Variants in DPP10 observed in about 807,000 individuals in gnomAD.
DPP10 encodes dipeptidyl peptidase like 10.
A neutral mutation model predicts 120.9 loss-of-function variants in DPP10; 33 were observed. The observed-to-expected ratio is 0.27, with a 90% CI of 0.21 to 0.37. The LOEUF (loss-of-function observed/expected upper bound fraction) is 0.37, where lower values mean the gene tolerates loss of function less well. Ranked by LOEUF, DPP10 falls within the 10% of genes least tolerant of loss-of-function variation. DPP10 has a pLI of 1.00. For synonymous variants in DPP10, 337 were observed against 326.1 expected (o/e 1.03, Z -0.36); for missense variants, 816 against 942.8 (o/e 0.87, Z 1.76).
At chr2:114,671,766 A>G (rs538725008) in intron 1 of DPP10, among the ~76,000 whole-genome samples, 72 of 152,054 alleles carry the variant, frequency 4.7e-4, no homozygotes, top group Non-Finnish European at 8.8e-4. Context: ...GTATTTTATC[A>G]GTTGTGTTGT....
chr2:114,486,308 T>A (rs1030123160), intron 1 of DPP10, among the ~76,000 whole-genome samples: 8 of 152,008 alleles, frequency 5.3e-5, no homozygotes, highest in Non-Finnish European at 1.2e-4. Context: ...GAAAAAAAAA[T>A]TACATTTCCT....
intron 3 of DPP10, among the ~76,000 whole-genome samples, chr2:115,488,867 A>G (rs967387738): frequency 4.2e-4 from 32 of 75,766 alleles, no homozygotes; most frequent in African/African-American, 1.0e-3. Context: ...GTACCCTAAA[A>G]CTTAGAGTAT....
At chr2:115,602,826 T>C (rs1288595118) in intron 5 of DPP10, among the ~76,000 whole-genome samples, 1 of 152,184 alleles carries the variant, frequency 6.6e-6, no homozygotes, top group African/African-American at 2.4e-5. Flanking sequence ...AAAAGCCAGA[T>C]AATTACTGGT....
intron 1 of DPP10, among the ~76,000 whole-genome samples, chr2:114,508,656 G>A (rs1432290341): frequency 1.3e-5 from 2 of 152,088 alleles, no homozygotes; most frequent in Non-Finnish European, 2.9e-5. Flanking sequence ...GAGCATCTAA[G>A]TTGTGTCTTC....
At chr2:115,163,504 GT>G (rs1162235755) in intron 1 of DPP10, among the ~76,000 whole-genome samples, 2 of 152,180 alleles carry the variant, frequency 1.3e-5, no homozygotes, top group Non-Finnish European at 2.9e-5. Context: ...TCTGAGATAA[GT>G]ATGAAAATAT....
intron 3 of DPP10, among the ~76,000 whole-genome samples, chr2:115,463,843 T>A (rs1276687894): frequency 4.6e-5 from 7 of 152,168 alleles, no homozygotes; most frequent in African/African-American, 1.7e-4. Context: ...TGAGATAAGA[T>A]CCCTGCATTG....
intron 1 of DPP10, among the ~76,000 whole-genome samples, chr2:114,561,733 T>C (rs1688781140): frequency 6.6e-6 from 1 of 152,200 alleles, no homozygotes; most frequent in African/African-American, 2.4e-5. Flanking sequence ...TCAAAATGCA[T>C]TTTCAGCCAA....
intron 1 of DPP10, among the ~76,000 whole-genome samples, chr2:114,933,206 T>G (rs1234484479): frequency 2.6e-5 from 4 of 152,186 alleles, no homozygotes; most frequent in Non-Finnish European, 2.9e-5. Context: ...TAAAAGAGAT[T>G]ACATAAATAA....
chr2:114,618,234 C>T (rs1197163867), intron 1 of DPP10, among the ~76,000 whole-genome samples: 1 of 151,960 alleles, frequency 6.6e-6, no homozygotes, highest in Non-Finnish European at 1.5e-5. Context: ...ATGTCTCATG[C>T]TTGTCATGTA....
chr2:114,720,044 G>GT (rs998785571), intron 1 of DPP10, among the ~76,000 whole-genome samples: 3 of 152,144 alleles, frequency 2.0e-5, no homozygotes, highest in Non-Finnish European at 2.9e-5. Context: ...TAATTGTGGG[G>GT]TTTTTTGTTG....
At chr2:115,102,691 G>A (rs974604687) in intron 1 of DPP10, among the ~76,000 whole-genome samples, 1 of 151,280 alleles carries the variant, frequency 6.6e-6, no homozygotes, top group South Asian at 2.1e-4. Flanking sequence ...TTAGAGGCGT[G>A]AGCCACCACG....
At chr2:115,162,123 C>T in intron 1 of DPP10, 11 of 1,520,400 alleles carry the variant, frequency 7.2e-6, no homozygotes, top group South Asian at 1.2e-5. Flanking sequence ...GCTCCCGCGC[C>T]TCCCTCTTCT....
intron 1 of DPP10, among the ~76,000 whole-genome samples, chr2:115,293,576 G>A (rs1051606868): frequency 3.7e-4 from 56 of 152,150 alleles, no homozygotes; most frequent in African/African-American, 9.2e-4. Context: ...ATGTGGTGTA[G>A]GTGAGCTTCT....
intron 2 of DPP10, among the ~76,000 whole-genome samples, chr2:115,340,094 A>C (rs190238230): frequency 1.3e-5 from 2 of 152,300 alleles, no homozygotes; most frequent in African/African-American, 4.8e-5. Context: ...CTTCATATGA[A>C]TCTTCAATTA....
chr2:114,568,376 A>C (rs1157279017), intron 1 of DPP10, among the ~76,000 whole-genome samples: 1 of 152,188 alleles, frequency 6.6e-6, no homozygotes, highest in African/African-American at 2.4e-5. Flanking sequence ...CGTGAATGGA[A>C]CTGGAGGTCA....
At chr2:115,630,140 C>T (rs1345254658) in intron 5 of DPP10, among the ~76,000 whole-genome samples, 1 of 152,024 alleles carries the variant, frequency 6.6e-6, no homozygotes, top group Admixed American at 6.6e-5. Context: ...TAGCTGTATT[C>T]CTAGGTATTT....
At chr2:114,749,501 T>C in intron 1 of DPP10, among the ~76,000 whole-genome samples, 1 of 151,900 alleles carries the variant, frequency 6.6e-6, no homozygotes, top group Admixed American at 6.6e-5. Context: ...TTAAAAATTA[T>C]TAGATTTAGA....
chr2:115,009,368 G>A (rs1250130156), intron 1 of DPP10, among the ~76,000 whole-genome samples: 1 of 149,948 alleles, frequency 6.7e-6, no homozygotes, highest in East Asian at 2.1e-4. Context: ...TCATGGGTGG[G>A]AATTGAACAA....
chr2:114,716,115 C>A (rs1440447802), intron 1 of DPP10, among the ~76,000 whole-genome samples: 3 of 149,124 alleles, frequency 2.0e-5, no homozygotes, highest in Non-Finnish European at 4.4e-5. Flanking sequence ...GCTGGCCTCC[C>A]AAATATTTAG....
Sources: gnomAD v4.1 joint callset for allele counts (sites outside exome capture counted in the v4.1 genomes callset) on GRCh38, gnomAD v4.1.1 for gene constraint, MANE v1.5 for transcripts, NCBI Gene and HGNC (gene_info 2026-07-23, HGNC 2026-07-21) for gene names.